The following ZFAT variants were observed in gnomAD, a reference collection of about 807,000 sequenced individuals.
The protein encoded by ZFAT is zinc finger and AT-hook domain containing, also known as zinc finger protein ZFAT.
ZFAT carries 64 observed loss-of-function variants against 117.7 expected under a neutral mutation model. The ratio of observed to expected loss-of-function variants is 0.54; its 90% CI spans 0.44 to 0.67. The LOEUF (loss-of-function observed/expected upper bound fraction) is 0.67. Ranked by LOEUF, ZFAT falls within the 30% of genes least tolerant of loss-of-function variation. ZFAT has a pLI of 0.00. For missense variants in ZFAT, 1,433 were observed against 1,584.5 expected, an observed-to-expected ratio of 0.90 and a Z score of 1.62; for synonymous variants, 679 against 615.0, an observed-to-expected ratio of 1.10 and a Z score of -1.54.
At chr8:134,786,526 C>A in the ZFAT span, among the ~76,000 whole-genome samples, 1 of 152,100 alleles carries the variant, frequency 6.6e-6, no homozygotes, top group Non-Finnish European at 1.5e-5. Context: ...TAGTAACATG[C>A]CTTTTCTCTT....
Position 134,565,426 on chromosome 8 carries a change from A to G in ZFAT, c.2888-5T>C. 6.2e-7 allele frequency: 1 copy of G among 1,611,872 alleles called. No homozygotes were observed. Among genetic ancestry groups the G allele is most frequent in the Non-Finnish European group, 8.5e-7 (1 of 1,179,410 alleles). ...CCGTGCACTTAAACTGCTTCCCTGG[A>G]AAGAAGCGGAGGACAAGATGAGCGT... On this transcript the variant is annotated splice_polypyrimidine_tract_variant and splice_region_variant and intron_variant, in intron 10 of 15. Coordinates refer to ENST00000377838, the MANE Select transcript of ZFAT (RefSeq NM_020863.4).
At chr8:134,826,591 T>C in the ZFAT span, among the ~76,000 whole-genome samples, 1 of 152,230 alleles carries the variant, frequency 6.6e-6, no homozygotes, top group Non-Finnish European at 1.5e-5. Flanking sequence ...GATTTGTTTT[T>C]AAAAGACTGT....
the ZFAT span, among the ~76,000 whole-genome samples, chr8:134,757,616 C>T: frequency 7.9e-5 from 12 of 152,184 alleles, no homozygotes; most frequent in South Asian, 4.2e-4. Flanking sequence ...GGTATACTTC[C>T]GGCACTAGAG....
At chr8:134,662,896 C>T (rs189851370) in intron 1 of ZFAT, among the ~76,000 whole-genome samples, 15 of 152,350 alleles carry the variant, frequency 9.8e-5, no homozygotes, top group South Asian at 8.3e-4. Flanking sequence ...CCACAGAGGA[C>T]GGCTCAGAGG....
At chr8:134,823,498 T>C in the ZFAT span, among the ~76,000 whole-genome samples, 1 of 152,194 alleles carries the variant, frequency 6.6e-6, no homozygotes, top group Non-Finnish European at 1.5e-5. Flanking sequence ...AGTAATATTA[T>C]CATTGTGTTC....
chr8:134,537,870 G>C (rs528042976), intron 11 of ZFAT, among the ~76,000 whole-genome samples: 1 of 152,332 alleles, frequency 6.6e-6, no homozygotes, highest in South Asian at 2.1e-4. Flanking sequence ...ATGTGTGAGA[G>C]GGAGGAGATG....
At chr8:134,497,335 A>C (rs954687066) in intron 15 of ZFAT, among the ~76,000 whole-genome samples, 1 of 152,216 alleles carries the variant, frequency 6.6e-6, no homozygotes, top group African/African-American at 2.4e-5. Context: ...ATCCTCTGTG[A>C]GCCAGAGGAG....
At chr8:134,531,907 G>A (rs1345432596) in intron 12 of ZFAT, among the ~76,000 whole-genome samples, 1 of 152,140 alleles carries the variant, frequency 6.6e-6, no homozygotes, top group East Asian at 1.9e-4. Flanking sequence ...AGCATCCCCA[G>A]CTGCAGCAGT....
intron 15 of ZFAT, among the ~76,000 whole-genome samples, chr8:134,489,212 G>C (rs979264229): frequency 9.2e-5 from 14 of 152,060 alleles, no homozygotes; most frequent in African/African-American, 3.1e-4. Flanking sequence ...GAGGCAGAAA[G>C]CCTCCAGGTA....
At chr8:134,619,696 G>A (rs1828981614) in intron 3 of ZFAT, among the ~76,000 whole-genome samples, 1 of 152,202 alleles carries the variant, frequency 6.6e-6, no homozygotes, top group African/African-American at 2.4e-5. Flanking sequence ...AAGTCATCCA[G>A]TCATTAAACA....
At chr8:134,524,815 C>T (rs899659652) in intron 12 of ZFAT, among the ~76,000 whole-genome samples, 2 of 152,216 alleles carry the variant, frequency 1.3e-5, no homozygotes, top group Non-Finnish European at 2.9e-5. Flanking sequence ...AATGAATACT[C>T]TTCACTCTTT....
chr8:134,538,112 T>C (rs942245032), intron 11 of ZFAT, among the ~76,000 whole-genome samples: 8 of 152,076 alleles, frequency 5.3e-5, no homozygotes, highest in African/African-American at 1.9e-4. Context: ...GGAAAGAGTA[T>C]ATCAAGTGAG....
At chr8:134,801,752 C>A in the ZFAT span, among the ~76,000 whole-genome samples, 1 of 152,138 alleles carries the variant, frequency 6.6e-6, no homozygotes, top group Non-Finnish European at 1.5e-5. Flanking sequence ...ACATTTTCAA[C>A]AAACCTTTTT....
rs774387380 is a variant in ZFAT, at chr8:134,487,391, G to A, written c.3493-8670C>T. ...TCCTGTAATTCTCATGGGGCCCTGT[G>A]AGGAAGGCAGGGTGAGGGGATTCCC... On this transcript the variant is annotated intron_variant, in intron 15 of 15. Coordinates refer to ENST00000377838, the MANE Select transcript of ZFAT (RefSeq NM_020863.4). Among the ~76,000 whole-genome samples, 17 of 152,196 alleles carry A rather than the reference G, an allele frequency of 1.1e-4. No individual in the cohort carries two copies. The South Asian group carries it at 1.4e-3, about 13-fold the overall frequency.
At chr8:134,598,147 A>G (rs1827105923) in intron 7 of ZFAT, 1 of 148,794 alleles carries the variant, frequency 6.7e-6, no homozygotes, top group Non-Finnish European at 1.5e-5. Context: ...AGTGGTGAGA[A>G]TGTGGGCTTG....
chr8:134,683,247 G>A (rs1422894494), intron 1 of ZFAT, among the ~76,000 whole-genome samples: 1 of 152,186 alleles, frequency 6.6e-6, no homozygotes, highest in East Asian at 1.9e-4. Context: ...CAGTAGCTCT[G>A]CTAATGTGTC....
the ZFAT span, among the ~76,000 whole-genome samples, chr8:134,739,784 G>A: frequency 6.6e-6 from 1 of 152,244 alleles, no homozygotes; most frequent in African/African-American, 2.4e-5. Context: ...GCAGAGTGTA[G>A]CAGAGGCTGA....
the ZFAT span, among the ~76,000 whole-genome samples, chr8:134,763,658 G>A: frequency 2.6e-5 from 4 of 152,004 alleles, no homozygotes; most frequent in African/African-American, 9.7e-5. Context: ...TTATATCCTC[G>A]TGCCTAGAAC....
intron 1 of ZFAT, among the ~76,000 whole-genome samples, chr8:134,682,737 A>C (rs1190319832): frequency 6.6e-6 from 1 of 152,216 alleles, no homozygotes; most frequent in Non-Finnish European, 1.5e-5. Flanking sequence ...ATAACTGGGC[A>C]GGCTGGATGT....
Sources: gnomAD v4.1 joint callset for allele counts (sites outside exome capture counted in the v4.1 genomes callset) on GRCh38, gnomAD v4.1.1 for gene constraint, MANE v1.5 for transcripts, NCBI Gene and HGNC (gene_info 2026-07-23, HGNC 2026-07-21) for gene names.